The following CDH23 variants were observed in gnomAD, a reference collection of about 807,000 sequenced individuals.
CDH23 encodes cadherin related 23, also known as cadherin-23.
In CDH23, 189 loss-of-function variants were observed where a neutral mutation model predicts 317.1. The ratio of observed to expected loss-of-function variants is 0.60; its 90% confidence interval spans 0.53 to 0.67. The LOEUF is 0.67. Ranked by LOEUF, CDH23 falls within the 30% of genes least tolerant of loss-of-function variation. CDH23 has a pLI of 0.00. For synonymous variants in CDH23, 1,839 were observed against 1,876.8 expected, an observed-to-expected ratio of 0.98 and a Z score of 0.52; for missense variants, 4,401 against 4,592.4, an observed-to-expected ratio of 0.96 and a Z score of 1.20.
chr10:71,482,525 G>A (rs1037275561), intron 3 of CDH23, among the ~76,000 whole-genome samples: 1 of 152,220 alleles, frequency 6.6e-6, no homozygotes, highest in Non-Finnish European at 1.5e-5. Flanking sequence ...TGAGGTTGGG[G>A]GGACAGGCCC....
At chr10:71,434,552 G>A (rs1450638305) in intron 1 of CDH23, among the ~76,000 whole-genome samples, 1 of 152,048 alleles carries the variant, frequency 6.6e-6, no homozygotes, top group Non-Finnish European at 1.5e-5. Flanking sequence ...TTCCTATGTG[G>A]GTGACTCCAT....
intron 9 of CDH23, among the ~76,000 whole-genome samples, chr10:71,613,751 G>A (rs1861033746): frequency 6.6e-6 from 1 of 152,220 alleles, no homozygotes; most frequent in Non-Finnish European, 1.5e-5. Flanking sequence ...TGGGGAAGGG[G>A]AAGACCTGGG....
intron 3 of CDH23, among the ~76,000 whole-genome samples, chr10:71,463,080 A>G (rs983886692): frequency 2.0e-5 from 3 of 152,214 alleles, no homozygotes; most frequent in African/African-American, 7.2e-5. Flanking sequence ...TTCACAACCT[A>G]GATTACCTAC....
At chr10:71,540,913 A>G (rs1855952125) in intron 6 of CDH23, among the ~76,000 whole-genome samples, 1 of 151,620 alleles carries the variant, frequency 6.6e-6, no homozygotes, top group Non-Finnish European at 1.5e-5. Context: ...GGTCTCTCTC[A>G]TGTTCCCCAG....
intron 53 of CDH23, among the ~76,000 whole-genome samples, chr10:71,801,149 TC>T (rs1308560046): frequency 9.7e-5 from 11 of 113,684 alleles, no homozygotes; most frequent in African/African-American, 3.1e-4. Context: ...TCTCTCTCTC[TC>T]TTTTTTTTTT....
Position 71,791,276 on chromosome 10 carries a change from A to G in CDH23, c.6194A>G (p.Asn2065Ser), listed in dbSNP as rs765490119. 5.6e-5 allele frequency: 90 copies of G among 1,613,746 alleles called. No individual in the cohort carries two copies. The highest frequency in any genetic ancestry group is 7.0e-5 in the Non-Finnish European group (83 of 1,179,872). The change falls in exon 47 of 70, where the codon AAC becomes AGC. Residue 2065 changes from asparagine to serine, a missense_variant. Asn to Ser is a conservative substitution (Grantham distance 46). Transcript: ENST00000224721. ...LLITILDDND[N>S]RPTFSPATLT... ...ATCACCATCCTGGATGACAATGACA[A>G]CCGGCCCACCTTTAGCCCTGCCACC...
intron 6 of CDH23, among the ~76,000 whole-genome samples, chr10:71,554,596 C>T (rs1174357170): frequency 6.6e-6 from 1 of 152,164 alleles, no homozygotes; most frequent in African/African-American, 2.4e-5. Context: ...AGAGACAGTG[C>T]CCTGGAACCG....
chr10:71,622,002 T>C (rs1356415983), intron 11 of CDH23, among the ~76,000 whole-genome samples: 1 of 151,984 alleles, frequency 6.6e-6, no homozygotes, highest in East Asian at 1.9e-4. Flanking sequence ...AATAGCTGGT[T>C]GTGATGCAAA....
intron 1 of CDH23, among the ~76,000 whole-genome samples, chr10:71,403,380 T>TC (rs1564557998): frequency 8.4e-5 from 10 of 119,018 alleles, no homozygotes; most frequent in East Asian, 2.4e-4. Flanking sequence ...TCTTTCTTTC[T>TC]TTCTTTCTTT....
intron 1 of CDH23, among the ~76,000 whole-genome samples, chr10:71,416,994 T>C (rs1007800773): frequency 6.6e-6 from 1 of 151,238 alleles, no homozygotes; most frequent in Non-Finnish European, 1.5e-5. Context: ...CTCCTTTAAA[T>C]TTTTTTTCTT....
intron 11 of CDH23, among the ~76,000 whole-genome samples, chr10:71,621,672 G>A (rs1477003006): frequency 6.6e-6 from 1 of 152,200 alleles, no homozygotes; most frequent in African/African-American, 2.4e-5. Context: ...GAAGGAAGAA[G>A]CAGTGTAACC....
chr10:71,646,747 T>C lies in CDH23; in HGVS notation c.1449+130T>C, dbSNP rs2305209. ...GCACCCCCAAATCCCTGAGCTGTGT[T>C]TGTTGGTGTATTAAATAAAGTTTTT... is the stretch of plus-strand genomic sequence containing the variant. On this transcript the variant is annotated intron_variant, in intron 14 of 69. Transcript: ENST00000224721. The C allele has an allele frequency of 0.16, 254,614 of 1,603,650 alleles. 21,049 individuals carry two copies. The highest frequency in any genetic ancestry group is 0.18 in the South Asian group (16,132 of 90,756).
chr10:71,777,826 G>A lies in CDH23; in HGVS notation c.4992G>A (p.Glu1664=). The A allele has an allele frequency of 6.2e-7, 1 of 1,613,936 alleles. No individual in the cohort carries two copies. Among genetic ancestry groups the A allele is most frequent in the Non-Finnish European group, 8.5e-7 (1 of 1,179,864 alleles). The change falls in exon 39 of 70, where the codon GAG becomes GAA. Residue 1664 remains glutamate, a synonymous_variant. Transcript: ENST00000224721. ...CCATCCAGGCACTGGACCTGGATGA[G>A]GGTCCCAACGGCACAGTCACCTATG... is the stretch of plus-strand genomic sequence containing the variant. ...LITIQALDLD[E]GPNGTVTYAI... is the part of the protein sequence containing the mutation.
chr10:71,504,562 C>T (rs1273474618), intron 3 of CDH23, among the ~76,000 whole-genome samples: 1 of 152,154 alleles, frequency 6.6e-6, no homozygotes, highest in African/African-American at 2.4e-5. Flanking sequence ...TGCTTTCCAC[C>T]CATGAGGTTA....
chr10:71,715,875 G>A (rs1866194817), intron 28 of CDH23: 5 of 1,411,210 alleles, frequency 3.5e-6, no homozygotes, highest in Middle Eastern at 1.8e-4. Flanking sequence ...ACCGGTCTCT[G>A]AAGCAGGAGG....
rs1289055534 is a variant in CDH23 at position 71,759,820 on chromosome 10, TAC to T, written c.4846-17834_4846-17833del. Among the ~76,000 whole-genome samples, 18 of 85,368 alleles carry T rather than the reference TAC, an allele frequency of 2.1e-4. 3 individuals are homozygous for T. The highest frequency in any genetic ancestry group is 5.2e-4 in the Admixed American group (4 of 7,628). The allele number at this position is 85,368 out of a possible 152,430, so 56.0% of individuals were successfully genotyped here. A position where few individuals can be genotyped will look rare whatever the true frequency, so the allele number is the denominator to read the frequency against. On this transcript the variant is annotated intron_variant, in intron 38 of 69. Transcript: ENST00000224721. Reference sequence around the variant, plus strand: ...GAGTGAAACCGTGTTTCAGAAAATATACACACACACACACACACACACACACA... The same window carrying T: ...GAGTGAAACCGTGTTTCAGAAAATATACACACACACACACACACACACACA...
intron 66 of CDH23, 91 bp from the exon 67 acceptor site, chr10:71,812,389 G>C: frequency 6.2e-7 from 1 of 1,605,362 alleles, no homozygotes; most frequent in Non-Finnish European, 8.5e-7. Flanking sequence ...ATATGGCCAG[G>C]GAAATGGGCA....
rs34939679 is a variant in CDH23 at position 71,787,319 on chromosome 10, ATTT to A, written c.5820+1601_5821-1599del. 1.3e-4 allele frequency among the ~76,000 whole-genome samples: 17 copies of A among 126,348 alleles called. 1 individual carries two copies. Among genetic ancestry groups the A allele is most frequent in the South Asian group, 7.7e-4 (3 of 3,912 alleles). The allele number at this position is 126,348 out of a possible 152,430, so 82.9% of individuals were successfully genotyped here. A position where few individuals can be genotyped will look rare whatever the true frequency, so the allele number is the denominator to read the frequency against. On this transcript the variant is annotated intron_variant, in intron 44 of 69. Transcript: ENST00000224721. ...GAACCCTGGTGTGGGCGCTTTTCAGATTTTTTTTTTTTTTTTTTTTTTAGATTC... is the reference window on the plus strand; with the variant it reads ...GAACCCTGGTGTGGGCGCTTTTCAGATTTTTTTTTTTTTTTTTTTAGATTC...
intron 44 of CDH23, among the ~76,000 whole-genome samples, 193 bp from the exon 45 acceptor site, chr10:71,788,747 A>T (rs575695213): frequency 6.6e-6 from 1 of 152,062 alleles, no homozygotes; most frequent in African/African-American, 2.4e-5. Context: ...GAGCCACTGC[A>T]CCCGGCCACA....
Sources: gnomAD v4.1 joint callset for allele counts (sites outside exome capture counted in the v4.1 genomes callset) on GRCh38, gnomAD v4.1.1 for gene constraint, MANE v1.5 for transcripts, NCBI Gene and HGNC (gene_info 2026-07-23, HGNC 2026-07-21) for gene names.